The following AKAP17A variants were observed in gnomAD, a reference collection of about 807,000 sequenced individuals.
AKAP17A encodes the protein A-kinase anchor protein 17A.
Under a neutral mutation model 52.2 loss-of-function variants are expected in AKAP17A, and 15 were observed. That is an observed-to-expected ratio of 0.29 (90% CI 0.19 to 0.44). The LOEUF is 0.44. AKAP17A is among the 20% of genes least tolerant of loss of function. The pLI is 1.00. For missense variants in AKAP17A, 1,060 were observed against 1,007.0 expected, an observed-to-expected ratio of 1.05 and a Z score of -0.71; for synonymous variants, 514 against 424.7, an observed-to-expected ratio of 1.21 and a Z score of -2.58.
Position 1,593,425 on chromosome X carries a change from T to C in AKAP17A, c.-19-19T>C. The C allele has an allele frequency of 6.3e-7, 1 of 1,587,790 alleles. No homozygotes were observed. The highest frequency in any genetic ancestry group is 1.7e-5 in the Admixed American group (1 of 58,840). ...AGGTGGGGGGTGCTGGTGCTGACTGTCTGCGTCTTATGTTTCAGGCCCAAG... is the reference window on the plus strand; with the variant it reads ...AGGTGGGGGGTGCTGGTGCTGACTGCCTGCGTCTTATGTTTCAGGCCCAAG... On this transcript the variant is annotated intron_variant, in intron 1 of 4. Coordinates refer to ENST00000313871, the MANE Select transcript of AKAP17A (RefSeq NM_005088.3).
At chrX:1,596,139 A>C (rs1932965379) in intron 3 of AKAP17A, among the ~76,000 whole-genome samples, 1 of 151,804 alleles carries the variant, frequency 6.6e-6, no homozygotes, top group Non-Finnish European at 1.5e-5. Flanking sequence ...TGAAACAAGC[A>C]GAATGCCTTG....
At chrX:1,596,328 T>C (rs1310709533) in intron 3 of AKAP17A, among the ~76,000 whole-genome samples, 1 of 151,722 alleles carries the variant, frequency 6.6e-6, no homozygotes, top group Non-Finnish European at 1.5e-5. Flanking sequence ...GTGGTTGGGG[T>C]ACCAGAGACA....
chrX:1,594,100 T>C lies in AKAP17A; in HGVS notation c.638T>C (p.Leu213Ser), dbSNP rs1932892827. The change falls in exon 2 of 5, where the codon TTG becomes TCG. Residue 213 changes from leucine to serine, a missense_variant. Transcript: ENST00000313871. Reference sequence around the variant, plus strand: ...CACACCTTCAGTTTCGGGGGGCACTTGAACTTCGAGGCCTATGTGCAGTAC... The same window carrying C: ...CACACCTTCAGTTTCGGGGGGCACTCGAACTTCGAGGCCTATGTGCAGTAC... ...NFHTFSFGGHLNFEAYVQYRE... is the reference protein window; with the variant it reads ...NFHTFSFGGHSNFEAYVQYRE... 1.2e-6 allele frequency: 2 copies of C among 1,613,684 alleles called. No homozygotes were observed. The highest frequency in any genetic ancestry group is 1.7e-6 in the Non-Finnish European group (2 of 1,179,790).
chrX:1,600,926 G>T lies in AKAP17A; in HGVS notation c.1420G>T (p.Val474Leu), dbSNP rs771861226. The T allele has an allele frequency of 1.9e-6, 3 of 1,574,990 alleles. No homozygotes were observed. The highest frequency in any genetic ancestry group is 2.7e-5 in the African/African-American group (2 of 74,252). Residue 474 changes from valine (V) to leucine (L), a missense_variant, in exon 5 of 5, where the codon GTG becomes TTG. By Grantham distance (32) the Val-to-Leu change is conservative (BLOSUM62 1). This residue lies in a region of AKAP17A where 793 missense variants were observed against 629.9 expected (regional missense o/e 1.26). Transcript: ENST00000313871. ...LQPVLDILQT[V>L]SSGCVSATTL... Reference sequence around the variant, plus strand: ...GCCCGTCCTGGACATCCTGCAGACCGTGTCGTCCGGCTGTGTGAGCGCCAC... The same window carrying T: ...GCCCGTCCTGGACATCCTGCAGACCTTGTCGTCCGGCTGTGTGAGCGCCAC...
intron 3 of AKAP17A, among the ~76,000 whole-genome samples, chrX:1,595,933 T>C (rs1438595720): frequency 2.6e-5 from 4 of 152,146 alleles, no homozygotes; most frequent in African/African-American, 9.7e-5. Flanking sequence ...CGTATGGGTG[T>C]GTGTGCAGGC....
intron 2 of AKAP17A, 118 bp from the exon 3 acceptor site, chrX:1,595,266 G>T: frequency 7.5e-7 from 1 of 1,326,840 alleles, no homozygotes; most frequent in Non-Finnish European, 1.0e-6. Context: ...AGCGGTGAGC[G>T]GTGAGCGGGC....
At chrX:1,592,027 G>A (rs1159111240) in intron 1 of AKAP17A, among the ~76,000 whole-genome samples, 1 of 151,638 alleles carries the variant, frequency 6.6e-6, no homozygotes, top group Admixed American at 6.6e-5. Flanking sequence ...AGCGGTTCCT[G>A]GGACTGCACC....
At chrX:1,600,229 C>T in intron 4 of AKAP17A, 1 of 1,297,964 alleles carries the variant, frequency 7.7e-7, no homozygotes, top group Non-Finnish European at 1.0e-6. Flanking sequence ...AGACACTAAC[C>T]CAGGCTAGGC....
chrX:1,593,605 A>T lies in AKAP17A; in HGVS notation c.143A>T (p.Asn48Ile). Residue 48 changes from asparagine (N) to isoleucine (I), a missense_variant, in exon 2 of 5, where the codon AAC becomes ATC. Coordinates refer to ENST00000313871, the MANE Select transcript of AKAP17A (RefSeq NM_005088.3). ...QLKQPGKSIS[N>I]WEVMERLKGM... is the part of the protein sequence containing the mutation. ...AAGCAGCCGGGGAAGTCCATCTCCAACTGGGAGGTGATGGAGAGGCTGAAG... is the reference window on the plus strand; with the variant it reads ...AAGCAGCCGGGGAAGTCCATCTCCATCTGGGAGGTGATGGAGAGGCTGAAG... 1 of 1,613,840 alleles carries T rather than the reference A, an allele frequency of 6.2e-7. No individual in the cohort carries two copies. The highest frequency in any genetic ancestry group is 8.5e-7 in the Non-Finnish European group (1 of 1,179,864).
intron 2 of AKAP17A, among the ~76,000 whole-genome samples, chrX:1,594,679 C>T (rs1441835742): frequency 6.6e-6 from 1 of 151,472 alleles, no homozygotes; most frequent in Non-Finnish European, 1.5e-5. Flanking sequence ...AGTGCAGTGG[C>T]GCAATCTTTG....
At chrX:1,592,492 G>A (rs1322562933) in intron 1 of AKAP17A, among the ~76,000 whole-genome samples, 1 of 152,032 alleles carries the variant, frequency 6.6e-6, no homozygotes. Context: ...GGGTTCTGGG[G>A]GAGGGTTCAC....
chrX:1,599,485 G>A (rs748992284), intron 4 of AKAP17A, 53 bp downstream of exon 4: 59 of 1,551,016 alleles, frequency 3.8e-5, no homozygotes, highest in African/African-American at 3.7e-4. Context: ...TGCCCTCAGT[G>A]CCCTCCCCTG....
At chrX:1,592,299 G>A (rs759933952) in intron 1 of AKAP17A, among the ~76,000 whole-genome samples, 4 of 152,078 alleles carry the variant, frequency 2.6e-5, no homozygotes, top group Non-Finnish European at 5.9e-5. Flanking sequence ...CTGAGAATGT[G>A]TGGGGCCCTG....
chrX:1,598,064 G>C (rs189799932), intron 3 of AKAP17A, among the ~76,000 whole-genome samples: 3 of 151,856 alleles, frequency 2.0e-5, no homozygotes, highest in African/African-American at 7.3e-5. Flanking sequence ...CAGCCCTCAC[G>C]TGTAACTTTG....
chrX:1,598,956 G>A (rs1323846923), intron 3 of AKAP17A, among the ~76,000 whole-genome samples: 1 of 152,156 alleles, frequency 6.6e-6, no homozygotes, highest in Non-Finnish European at 1.5e-5. Context: ...GTGGTTTCAG[G>A]GTTGGGTCAC....
chrX:1,597,895 G>C (rs1200187903), intron 3 of AKAP17A, among the ~76,000 whole-genome samples: 1 of 152,120 alleles, frequency 6.6e-6, no homozygotes, highest in Admixed American at 6.5e-5. Context: ...GGGCAGGCCT[G>C]TTGTCTGGGG....
rs1452274518 is a variant in AKAP17A, at chrX:1,599,254, G to C, written c.974G>C (p.Arg325Thr). 9 of 1,612,710 alleles carry C rather than the reference G, an allele frequency of 5.6e-6. No individual in the cohort carries two copies. Among genetic ancestry groups the C allele is most frequent in the Admixed American group, 1.7e-5 (1 of 59,978 alleles). The change falls in exon 4 of 5, where the codon AGG (arginine) becomes ACG (threonine). Residue 325 changes from arginine to threonine, a missense_variant. Coordinates refer to ENST00000313871, the MANE Select transcript of AKAP17A (RefSeq NM_005088.3). ...AAAAGAGAAGAGAAGCTTCGCAAGA[G>C]GGAGCAGAAGCAGAGGGACCGTGAG... ...ERKREEKLRK[R>T]EQKQRDRELR... is the part of the protein sequence containing the mutation.
intron 3 of AKAP17A, among the ~76,000 whole-genome samples, chrX:1,597,132 A>C (rs770556670): frequency 6.6e-6 from 1 of 152,248 alleles, no homozygotes; most frequent in South Asian, 2.1e-4. Context: ...CGCTGGTGCC[A>C]GCGTGTTGAT....
chrX:1,599,154 G>T, intron 3 of AKAP17A, 38 bp from the exon 4 acceptor site: 1 of 1,602,524 alleles, frequency 6.2e-7, no homozygotes, highest in Non-Finnish European at 8.5e-7. Context: ...TGTTGGCTGC[G>T]GCGCTCTCTG....
Sources: allele counts gnomAD v4.1 joint callset (sites outside exome capture counted in the v4.1 genomes callset), GRCh38; gene constraint gnomAD v4.1.1; regional missense constraint gnomAD v4.1.1; transcripts MANE v1.5; gene names NCBI Gene and HGNC (gene_info 2026-07-23, HGNC 2026-07-21).